Variants in CARM1 observed in about 807,000 individuals in gnomAD.
CARM1 encodes the protein coactivator associated arginine methyltransferase 1, also known as histone-arginine methyltransferase CARM1.
CARM1 carries 14 observed loss-of-function variants against 72.7 expected under a neutral mutation model. The ratio of observed to expected loss-of-function variants is 0.19; its 90% confidence interval spans 0.13 to 0.30. The LOEUF is 0.30. Ranked by LOEUF, CARM1 falls within the 10% of genes least tolerant of loss-of-function variation. The pLI, the probability that CARM1 is intolerant of heterozygous loss-of-function variation, is 1.00. For synonymous variants in CARM1, 333 were observed against 345.5 expected (o/e 0.96, Z 0.40); for missense variants, 432 against 833.7 (o/e 0.52, Z 5.93).
chr19:10,890,055 G>A (rs1039842318), intron 1 of CARM1, among the ~76,000 whole-genome samples: 8 of 151,846 alleles, frequency 5.3e-5, no homozygotes, highest in East Asian at 1.9e-4. Context: ...TGAGACCAGC[G>A]TGGGCAACAT....
intron 1 of CARM1, among the ~76,000 whole-genome samples, chr19:10,885,888 A>ATTT (rs766173367): frequency 3.8e-5 from 3 of 78,778 alleles, no homozygotes; most frequent in Non-Finnish European, 5.7e-5. Flanking sequence ...TCACTCCCTC[A>ATTT]TTTTTTTTTT....
intron 1 of CARM1, among the ~76,000 whole-genome samples, chr19:10,889,334 A>G (rs1380701697): frequency 6.9e-6 from 1 of 145,566 alleles, no homozygotes; most frequent in East Asian, 2.0e-4. Flanking sequence ...TTTTTTTTTG[A>G]GACAGAGTCT....
rs1435697460 is a variant in CARM1, at chr19:10,875,658, T to C, written c.220+3736T>C. On this transcript the variant is annotated intron_variant, in intron 1 of 15. Coordinates refer to ENST00000327064, the MANE Select transcript of CARM1 (RefSeq NM_199141.2). ...CCAGGATGGTCTCCATCTCCTGACCTCGTGATCTGCCCACCTTGGCCTCCC... is the reference window on the plus strand; with the variant it reads ...CCAGGATGGTCTCCATCTCCTGACCCCGTGATCTGCCCACCTTGGCCTCCC... 6.6e-5 allele frequency among the ~76,000 whole-genome samples: 10 copies of C among 152,162 alleles called. No individual in the cohort carries two copies. In the East Asian group the frequency reaches 1.9e-3, roughly 30 times the overall value.
At position 10,922,652 on chromosome 19, in the gene CARM1, C is replaced by T. The variant is rs1243090967; in HGVS notation, c.*895C>T. ...TCCATCCTTGTAGACGCTCCAGTCC[C>T]TACTACTGTGACGGCATTTCCATCC... On this transcript the variant is annotated 3_prime_UTR_variant, in exon 16 of 16. Coordinates refer to ENST00000327064, the MANE Select transcript of CARM1 (RefSeq NM_199141.2). 1 of 152,360 alleles carries T rather than the reference C, an allele frequency of 6.6e-6. No homozygotes were observed. The highest frequency in any genetic ancestry group is 1.5e-5 in the Non-Finnish European group (1 of 68,174). The allele number at this position is 152,360 out of a possible 1,614,324, so 9.4% of individuals were successfully genotyped here. A position where few individuals can be genotyped will look rare whatever the true frequency, so the allele number is the denominator to read the frequency against.
chr19:10,919,151 C>T (rs1010523108), intron 8 of CARM1: 5 of 155,818 alleles, frequency 3.2e-5, no homozygotes, highest in Non-Finnish European at 7.1e-5. Flanking sequence ...CTTTAACTTG[C>T]TTTTTTGGTT....
intron 1 of CARM1, among the ~76,000 whole-genome samples, chr19:10,875,872 G>A (rs1431980576): frequency 6.6e-6 from 1 of 150,640 alleles, no homozygotes; most frequent in Non-Finnish European, 1.5e-5. Flanking sequence ...CAACTTGGAT[G>A]TCTGTCTTTT....
At chr19:10,904,639 C>T (rs1160117697) in intron 1 of CARM1, among the ~76,000 whole-genome samples, 1 of 152,258 alleles carries the variant, frequency 6.6e-6, no homozygotes, top group East Asian at 1.9e-4. Context: ...GCAGCTCCAG[C>T]TCTGAGTTCC....
intron 1 of CARM1, among the ~76,000 whole-genome samples, chr19:10,890,523 C>T (rs1197585578): frequency 6.6e-6 from 1 of 151,130 alleles, no homozygotes; most frequent in African/African-American, 2.4e-5. Context: ...CTGCCTCGGC[C>T]TCCCAAAGTG....
chr19:10,902,413 C>T (rs2074073266), intron 1 of CARM1, among the ~76,000 whole-genome samples: 1 of 151,010 alleles, frequency 6.6e-6, no homozygotes, highest in Admixed American at 6.6e-5. Flanking sequence ...CCTGCCTCAG[C>T]CTCCTGAGTA....
In CARM1 at chr19:10,912,888, G is replaced by A. The variant is rs992680319; in HGVS notation, c.669+594G>A. On this transcript the variant is annotated intron_variant, in intron 5 of 15. Coordinates refer to ENST00000327064, the MANE Select transcript of CARM1 (RefSeq NM_199141.2). This position sits in a 1 kb window ranked among gnomAD's most constrained non-coding sequence, Gnocchi z 4.5. ...CCTTCCAGGTCTTCACGTGGCCAAC[G>A]CTGCTGTCCTGAGCCCCTCTCCCAC... Among the ~76,000 whole-genome samples, 9 of 152,186 alleles carry A rather than the reference G, an allele frequency of 5.9e-5. No homozygotes were observed. Among genetic ancestry groups the A allele is most frequent in the African/African-American group, 1.4e-4 (6 of 41,450 alleles).
At position 10,920,039 on chromosome 19, in the gene CARM1, G is replaced by T. The variant is rs975874651; in HGVS notation, c.1196+73G>T. The T allele has an allele frequency of 1.9e-5, 23 of 1,202,410 alleles. No homozygotes were observed. The highest frequency in any genetic ancestry group is 1.2e-4 in the African/African-American group (8 of 67,194). The allele number at this position is 1,202,410 out of a possible 1,614,324, so 74.5% of individuals were successfully genotyped here. A position where few individuals can be genotyped will look rare whatever the true frequency, so the allele number is the denominator to read the frequency against. ...CTTCCTGCAGCTGCAACCTGGCTGG[G>T]GGGGTGGAACATGGCTCCAGGTTCC... On this transcript the variant is annotated intron_variant, in intron 10 of 15. Coordinates refer to ENST00000327064, the MANE Select transcript of CARM1 (RefSeq NM_199141.2). The surrounding 1 kb of genome is among the most constrained non-coding windows in gnomAD (Gnocchi z 5.3).
chr19:10,919,534 C>T lies in CARM1; in HGVS notation c.1021-61C>T, dbSNP rs996393238. ...GGCAGACCTGGGGGAAGGGGCAGGG[C>T]TCTCCCCTCCCATGCTGGCCCTGGC... On this transcript the variant is annotated intron_variant, in intron 8 of 15. Coordinates refer to ENST00000327064, the MANE Select transcript of CARM1 (RefSeq NM_199141.2). 9.8e-6 allele frequency: 12 copies of T among 1,229,246 alleles called. No individual in the cohort carries two copies. The Admixed American group carries it at 1.4e-4, about 14-fold the overall frequency. 76.1% of individuals were successfully genotyped at this position (1,229,246 alleles called of 1,614,324 possible).
chr19:10,895,574 G>C (rs781067413), intron 1 of CARM1, among the ~76,000 whole-genome samples: 2 of 152,218 alleles, frequency 1.3e-5, no homozygotes, highest in Non-Finnish European at 2.9e-5. Context: ...ACATCTCTGC[G>C]TGGTGAAGCC....
chr19:10,914,168 G>A, intron 6 of CARM1, 114 bp downstream of exon 6: 2 of 1,106,086 alleles, frequency 1.8e-6, no homozygotes. Context: ...GGGGTGTAGG[G>A]AAGCCTGGGC....
Position 10,912,305 on chromosome 19 carries a change from C to T in CARM1, c.669+11C>T, listed in dbSNP as rs771000764. ...GCCCAGCACGCTGAGGTCAGTGGCC[C>T]GCTGGTGCCCACCCAGCCTCGTCCT... On this transcript the variant is annotated intron_variant, in intron 5 of 15. Transcript: ENST00000327064. This position sits in a 1 kb window ranked among gnomAD's most constrained non-coding sequence, Gnocchi z 4.5. The T allele has an allele frequency of 2.5e-6, 4 of 1,593,000 alleles. No homozygotes were observed. The highest frequency in any genetic ancestry group is 1.3e-5 in the African/African-American group (1 of 74,660).
chr19:10,903,652 C>G (rs2074082538), intron 1 of CARM1, among the ~76,000 whole-genome samples: 1 of 151,566 alleles, frequency 6.6e-6, no homozygotes, highest in East Asian at 1.9e-4. Context: ...CCTCAACCTC[C>G]TGGGCTCAAG....
At chr19:10,890,871 G>A (rs892403510) in intron 1 of CARM1, among the ~76,000 whole-genome samples, 14 of 147,172 alleles carry the variant, frequency 9.5e-5, no homozygotes, top group Non-Finnish European at 7.4e-5. Flanking sequence ...GGAGGCGGAG[G>A]TGGGAGGATT....
Position 10,920,038 on chromosome 19 carries a change from G to A in CARM1, c.1196+72G>A, listed in dbSNP as rs549978703. On this transcript the variant is annotated intron_variant, in intron 10 of 15. Coordinates refer to ENST00000327064, the MANE Select transcript of CARM1 (RefSeq NM_199141.2). This position sits in a 1 kb window ranked among gnomAD's most constrained non-coding sequence, Gnocchi z 5.3. ...GCTTCCTGCAGCTGCAACCTGGCTG[G>A]GGGGGTGGAACATGGCTCCAGGTTC... 3.3e-6 allele frequency: 4 copies of A among 1,209,710 alleles called. No homozygotes were observed. The highest frequency in any genetic ancestry group is 1.5e-5 in the African/African-American group (1 of 67,338). The allele number at this position is 1,209,710 out of a possible 1,614,324, so 74.9% of individuals were successfully genotyped here. A position where few individuals can be genotyped will look rare whatever the true frequency, so the allele number is the denominator to read the frequency against.
chr19:10,872,871 C>G (rs1033289087), intron 1 of CARM1, among the ~76,000 whole-genome samples: 1 of 152,038 alleles, frequency 6.6e-6, no homozygotes, highest in Non-Finnish European at 1.5e-5. Flanking sequence ...CTGGGGAACC[C>G]CTCAGGAGGC....
Sources: gnomAD v4.1 joint callset for allele counts (sites outside exome capture counted in the v4.1 genomes callset) on GRCh38, gnomAD v4.1.1 for gene constraint, Gnocchi (gnomAD v3.1) non-coding constraint, MANE v1.5 for transcripts, NCBI Gene and HGNC (gene_info 2026-07-23, HGNC 2026-07-21) for gene names.